Variants in PRKAG2 observed in about 807,000 individuals in gnomAD.
PRKAG2 encodes the protein protein kinase AMP-activated non-catalytic subunit gamma 2, also known as 5'-AMP-activated protein kinase subunit gamma-2.
Under a neutral mutation model 69.6 loss-of-function variants are expected in PRKAG2, and 26 were observed. The observed-to-expected ratio is 0.37, with a 90% CI of 0.27 to 0.52. The LOEUF (loss-of-function observed/expected upper bound fraction) is 0.52. PRKAG2 is among the 20% of genes least tolerant of loss of function. The probability of loss-of-function intolerance (pLI) is 0.90; values close to 1 mark genes in which losing one functional copy is unlikely to be tolerated. For synonymous variants in PRKAG2, 293 were observed against 285.0 expected, an observed-to-expected ratio of 1.03 and a Z score of -0.28; for missense variants, 557 against 740.0, an observed-to-expected ratio of 0.75 and a Z score of 2.87.
intron 1 of PRKAG2, among the ~76,000 whole-genome samples, chr7:151,808,106 A>G (rs2078215222): frequency 6.6e-6 from 1 of 152,062 alleles, no homozygotes; most frequent in Non-Finnish European, 1.5e-5. Context: ...CCCATCACCT[A>G]GTGTCCTCAC....
intron 15 of PRKAG2, chr7:151,559,046 C>A (rs4726050): frequency 1.0e-6 from 1 of 985,204 alleles, no homozygotes; most frequent in East Asian, 1.1e-4. Context: ...CTGAAGGTGC[C>A]AAGCTATATA....
At chr7:151,696,624 C>T (rs762977120) in intron 3 of PRKAG2, among the ~76,000 whole-genome samples, 28 of 152,216 alleles carry the variant, frequency 1.8e-4, no homozygotes, top group African/African-American at 4.3e-4. Flanking sequence ...GGAAGCCCCC[C>T]GCAACCTTCC....
Position 151,704,726 on chromosome 7 carries a change from C to T in PRKAG2, c.467-29089G>A, listed in dbSNP as rs1004480953. Reference sequence around the variant, plus strand: ...GAACACCTACAATGTGCTGGGCCTGCGTATCTACTGCAATCCACGCGGCAC... The same window carrying T: ...GAACACCTACAATGTGCTGGGCCTGTGTATCTACTGCAATCCACGCGGCAC... On this transcript the variant is annotated intron_variant, in intron 3 of 15. Coordinates refer to ENST00000287878, the MANE Select transcript of PRKAG2 (RefSeq NM_016203.4). Among the ~76,000 whole-genome samples the T allele has an allele frequency of 3.3e-5, 5 of 152,278 alleles. No homozygotes were observed. In the East Asian group the frequency reaches 7.7e-4, roughly 23 times the overall value.
chr7:151,694,202 G>A (rs1393070646), intron 3 of PRKAG2, among the ~76,000 whole-genome samples: 1 of 152,228 alleles, frequency 6.6e-6, no homozygotes, highest in Non-Finnish European at 1.5e-5. Context: ...AAGCCACCCA[G>A]TCTATGGTAT....
intron 1 of PRKAG2, among the ~76,000 whole-genome samples, chr7:151,795,757 G>A (rs979126139): frequency 2.0e-5 from 3 of 150,568 alleles, no homozygotes; most frequent in African/African-American, 7.3e-5. Context: ...TTGCAGCATC[G>A]ACTGCCTGAG....
chr7:151,814,850 A>G lies in PRKAG2; in HGVS notation c.115-28309T>C. ...GCAAACTGTCATTCCCACCTGTGTC[A>G]GGCGCTGCTGGGGAGGAAACTCCTT... On this transcript the variant is annotated intron_variant, in intron 1 of 15. Coordinates refer to ENST00000287878, the MANE Select transcript of PRKAG2 (RefSeq NM_016203.4). This position sits in a 1 kb window ranked among gnomAD's most constrained non-coding sequence, Gnocchi z 4.8. The G allele has an allele frequency of 3.2e-6, 4 of 1,231,794 alleles. No homozygotes were observed. Among genetic ancestry groups the G allele is most frequent in the Non-Finnish European group, 4.0e-6 (4 of 987,988 alleles). 76.3% of individuals were successfully genotyped at this position (1,231,794 alleles called of 1,614,324 possible). A position where few individuals can be genotyped will look rare whatever the true frequency, so the allele number is the denominator to read the frequency against.
At chr7:151,712,374 G>T (rs1031787118) in intron 3 of PRKAG2, among the ~76,000 whole-genome samples, 1 of 152,192 alleles carries the variant, frequency 6.6e-6, no homozygotes, top group Non-Finnish European at 1.5e-5. Context: ...CAGGAGACTG[G>T]GTCCCTCTCC....
chr7:151,744,105 G>A (rs1485905957), intron 3 of PRKAG2, among the ~76,000 whole-genome samples: 13 of 152,210 alleles, frequency 8.5e-5, no homozygotes, highest in Admixed American at 7.2e-4. Context: ...GATAAGTGGC[G>A]TGAAGGCGAC....
chr7:151,716,582 G>T (rs931301988), intron 3 of PRKAG2, among the ~76,000 whole-genome samples: 1 of 152,172 alleles, frequency 6.6e-6, no homozygotes, highest in Admixed American at 6.5e-5. Flanking sequence ...CACTTAACAG[G>T]TGCATAATAA....
intron 3 of PRKAG2, among the ~76,000 whole-genome samples, chr7:151,769,892 C>G (rs1439647945): frequency 6.6e-6 from 1 of 152,120 alleles, no homozygotes; most frequent in African/African-American, 2.4e-5. Flanking sequence ...CTAGGGACCA[C>G]GGAGGCCAAA....
Position 151,670,547 on chromosome 7 carries a change from G to A in PRKAG2, c.684+4873C>T, listed in dbSNP as rs118136966. Among the ~76,000 whole-genome samples the A allele has an allele frequency of 1.7e-3, 254 of 152,154 alleles. 1 individual carries two copies. Among genetic ancestry groups the A allele is most frequent in the East Asian group, 0.012 (62 of 5,168 alleles). The stretch of plus-strand genomic sequence containing the variant: ...GCTTTTCCCTGTTGAAAAGAATTTC[G>A]ACTTCCTCTGGGATCAGCTCTTCCA... On this transcript the variant is annotated intron_variant, in intron 4 of 15. Transcript: ENST00000287878.
chr7:151,583,106 A>G lies in PRKAG2; in HGVS notation c.865-6654T>C, dbSNP rs1239025136. On this transcript the variant is annotated intron_variant, in intron 6 of 15. Transcript: ENST00000287878. This position sits in a 1 kb window ranked among gnomAD's most constrained non-coding sequence, Gnocchi z 4.1. The stretch of plus-strand genomic sequence containing the variant: ...TATGATCACGGCTCACTGCAGCCTC[A>G]ACCTCGTAGGCTCAAGTGATCCTTA... 6.6e-6 allele frequency among the ~76,000 whole-genome samples: 1 copy of G among 152,132 alleles called. No individual in the cohort carries two copies. The highest frequency in any genetic ancestry group is 2.4e-5 in the African/African-American group (1 of 41,422).
chr7:151,687,570 C>G (rs1408806682), intron 3 of PRKAG2, among the ~76,000 whole-genome samples: 6 of 152,106 alleles, frequency 3.9e-5, no homozygotes, highest in African/African-American at 1.4e-4. Context: ...TGGAATGGGC[C>G]AGCATGAGAA....
chr7:151,662,924 G>A lies in PRKAG2; in HGVS notation c.684+12496C>T, dbSNP rs542293064. Among the ~76,000 whole-genome samples the A allele has an allele frequency of 5.9e-5, 9 of 152,124 alleles. No homozygotes were observed. The East Asian group carries it at 1.5e-3, about 26-fold the overall frequency. ...AACAAATACATAAAACACAAGTCTG[G>A]GCTTGGCACAGTGGCTCACACTTGT... is the stretch of plus-strand genomic sequence containing the variant. On this transcript the variant is annotated intron_variant, in intron 4 of 15. Transcript: ENST00000287878.
intron 3 of PRKAG2, among the ~76,000 whole-genome samples, chr7:151,732,856 C>T (rs1034568577): frequency 6.6e-6 from 1 of 152,152 alleles, no homozygotes; most frequent in African/African-American, 2.4e-5. Flanking sequence ...ACACCCCCGG[C>T]CAATTTTTGC....
At chr7:151,570,337 T>G (rs1807252160) in intron 9 of PRKAG2, 112 bp from the exon 10 acceptor site, 6 of 1,250,974 alleles carry the variant, frequency 4.8e-6, no homozygotes, top group Non-Finnish European at 6.6e-6. Flanking sequence ...GATTAAAAAC[T>G]CAAATAAAAA....
chr7:151,726,510 G>A (rs1798000341), intron 3 of PRKAG2, among the ~76,000 whole-genome samples: 1 of 152,106 alleles, frequency 6.6e-6, no homozygotes, highest in Non-Finnish European at 1.5e-5. Context: ...ACGCACAAGA[G>A]TGCCCATGAG....
rs1466397841 is a variant in PRKAG2 at position 151,820,956 on chromosome 7, C to G, written c.115-34415G>C. Among the ~76,000 whole-genome samples, 12 of 2,500 alleles carry G rather than the reference C, an allele frequency of 4.8e-3. 1 individual carries two copies. Among genetic ancestry groups the G allele is most frequent in the Admixed American group, 0.027 (12 of 452 alleles). 1.6% of individuals were successfully genotyped at this position (2,500 alleles called of 152,430 possible). On this transcript the variant is annotated intron_variant, in intron 1 of 15. Transcript: ENST00000287878. ...CAATGGATATTCTTAGGACCCCCCCCAGCCAGGTACCTGCCTCATGCTGCA... is the reference window on the plus strand; with the variant it reads ...CAATGGATATTCTTAGGACCCCCCCGAGCCAGGTACCTGCCTCATGCTGCA...
intron 1 of PRKAG2, among the ~76,000 whole-genome samples, chr7:151,802,063 T>G (rs1053292789): frequency 1.3e-5 from 2 of 152,144 alleles, no homozygotes; most frequent in Non-Finnish European, 2.9e-5. Context: ...AACCCCTCCC[T>G]GAGTGTGGCC....
Sources: allele counts gnomAD v4.1 joint callset (sites outside exome capture counted in the v4.1 genomes callset), GRCh38; gene constraint gnomAD v4.1.1; non-coding constraint Gnocchi (gnomAD v3.1); transcripts MANE v1.5; gene names NCBI Gene and HGNC (gene_info 2026-07-23, HGNC 2026-07-21).